The following TCTN2 variants were observed in gnomAD, a reference collection of about 807,000 sequenced individuals.
The protein encoded by TCTN2 is tectonic family member 2.
A neutral mutation model predicts 83.4 loss-of-function variants in TCTN2; 66 were observed. The ratio of observed to expected loss-of-function variants is 0.79; its 90% CI spans 0.65 to 0.97. TCTN2 has a LOEUF of 0.97. Among genes scored for constraint, TCTN2 ranks in the 50% least tolerant of loss-of-function variants. The probability of loss-of-function intolerance (pLI) is 0.00; values close to 1 mark genes in which losing one functional copy is unlikely to be tolerated. For missense variants in TCTN2, 794 were observed against 858.1 expected, an observed-to-expected ratio of 0.93 and a Z score of 0.93; for synonymous variants, 301 against 326.7, an observed-to-expected ratio of 0.92 and a Z score of 0.85.
At chr12:123,673,422 A>C (rs999236163) in intron 3 of TCTN2, among the ~76,000 whole-genome samples, 193 bp from the exon 4 acceptor site, 4 of 152,176 alleles carry the variant, frequency 2.6e-5, no homozygotes, top group South Asian at 2.1e-4. Flanking sequence ...TATGTTAAGG[A>C]AGAAGAATCA....
At chr12:123,688,213 C>G (rs945788715) in intron 7 of TCTN2, 36 bp downstream of exon 7, 3 of 1,349,758 alleles carry the variant, frequency 2.2e-6, no homozygotes, top group African/African-American at 3.1e-5. Context: ...AGACCGTTCT[C>G]TTTTTTTTTT....
At chr12:123,673,225 A>G (rs550059947) in intron 3 of TCTN2, among the ~76,000 whole-genome samples, 27 of 152,246 alleles carry the variant, frequency 1.8e-4, no homozygotes, top group Non-Finnish European at 3.4e-4. Flanking sequence ...CTTGTACCCC[A>G]GGAGTGAACA....
At position 123,707,075 on chromosome 12, in the gene TCTN2, T is replaced by C; in HGVS notation, c.1984+2T>C. Reference sequence around the variant, plus strand: ...ATCCATGGACTCAGTATTATCAAGGTAGGGTGAAACAGATTTCTATGACCA... The same window carrying C: ...ATCCATGGACTCAGTATTATCAAGGCAGGGTGAAACAGATTTCTATGACCA... On this transcript the variant is annotated splice_donor_variant, in intron 17 of 17. Coordinates refer to ENST00000303372, the MANE Select transcript of TCTN2 (RefSeq NM_024809.5). LOFTEE classifies it high-confidence loss of function. 1 of 1,612,690 alleles carries C rather than the reference T, an allele frequency of 6.2e-7. No individual in the cohort carries two copies. Among genetic ancestry groups the C allele is most frequent in the African/African-American group, 1.3e-5 (1 of 74,982 alleles).
intron 14 of TCTN2, 88 bp from the exon 15 acceptor site, chr12:123,704,444 A>G: frequency 7.3e-7 from 1 of 1,375,208 alleles, no homozygotes; most frequent in African/African-American, 1.4e-5. Context: ...TGCCTGCCTG[A>G]TATTATTCCC....
chr12:123,704,619 G>T lies in TCTN2; in HGVS notation c.1700G>T (p.Arg567Leu), dbSNP rs780065531. The change falls in exon 15 of 18, where the codon CGC (arginine) becomes CTC (leucine). Residue 567 changes from arginine to leucine, a missense_variant. By Grantham distance (102) the Arg-to-Leu change is moderately radical. Transcript: ENST00000303372. ...GATATTCCTGCTCACCTGAGCATCC[G>T]CATCCTCATCTCGGATGCTGGCGCG... Reference protein sequence around the residue: ...CLDIPAHLSIRILISDAGAVE... With the variant: ...CLDIPAHLSILILISDAGAVE... 2 of 1,613,410 alleles carry T rather than the reference G, an allele frequency of 1.2e-6. No homozygotes were observed. The highest frequency in any genetic ancestry group is 1.7e-6 in the Non-Finnish European group (2 of 1,179,906).
At position 123,686,878 on chromosome 12, in the gene TCTN2, T is replaced by C; in HGVS notation, c.607T>C (p.Phe203Leu). ...NLTTLFRRSC[F>L]TGVFGGDVNP... ...AACAACGCTGTTCAGACGGTCCTGC[T>C]TCACCGGCGTGTTTGGAGGAGACGT... Residue 203 changes from phenylalanine to leucine, a missense_variant, in exon 6 of 18, where the codon TTC becomes CTC. Phe to Leu is a conservative substitution (Grantham distance 22). Coordinates refer to ENST00000303372, the MANE Select transcript of TCTN2 (RefSeq NM_024809.5). The C allele has an allele frequency of 1.2e-6, 2 of 1,614,228 alleles. No individual in the cohort carries two copies. Among genetic ancestry groups the C allele is most frequent in the Non-Finnish European group, 1.7e-6 (2 of 1,180,038 alleles).
intron 4 of TCTN2, among the ~76,000 whole-genome samples, chr12:123,676,122 A>G (rs960312905): frequency 5.9e-5 from 9 of 152,040 alleles, no homozygotes; most frequent in African/African-American, 2.2e-4. Context: ...CTACAAACAA[A>G]TACTACAATT....
At position 123,700,853 on chromosome 12, in the gene TCTN2, A is replaced by T. The variant is rs1009159637; in HGVS notation, c.1612+1043A>T. Among the ~76,000 whole-genome samples, 13 of 152,296 alleles carry T rather than the reference A, an allele frequency of 8.5e-5. No individual in the cohort carries two copies. The East Asian group carries it at 2.5e-3, about 29-fold the overall frequency. ...GTCCCAGCTACTTGGGATGCTGAGG[A>T]AAGAGGATCGCTGGAGCCTAGGAGT... is the stretch of plus-strand genomic sequence containing the variant. On this transcript the variant is annotated intron_variant, in intron 14 of 17. Coordinates refer to ENST00000303372, the MANE Select transcript of TCTN2 (RefSeq NM_024809.5).
intron 13 of TCTN2, among the ~76,000 whole-genome samples, chr12:123,698,010 A>G (rs1956130673): frequency 6.6e-6 from 1 of 151,596 alleles, no homozygotes; most frequent in Non-Finnish European, 1.5e-5. Flanking sequence ...GATTACAGGC[A>G]TGAGTCACTC....
Position 123,671,303 on chromosome 12 carries a change from G to C in TCTN2, c.63G>C (p.Arg21Ser). 6.2e-7 allele frequency: 1 copy of C among 1,613,888 alleles called. No individual in the cohort carries two copies. Among genetic ancestry groups the C allele is most frequent in the Non-Finnish European group, 8.5e-7 (1 of 1,179,986 alleles). ...LRLFLLQGIL[R>S]LLWGDLAFIP... ...TTTTCCTTCTGCAGGGCATCCTGAG[G>C]CTTCTGTGGGGGGACCTGGGTGTGT... Residue 21 changes from arginine (R) to serine (S), a missense_variant, in exon 1 of 18, where the codon AGG (arginine) becomes AGC (serine). Arg to Ser is a moderately radical substitution (Grantham distance 110, BLOSUM62 -1). Coordinates refer to ENST00000303372, the MANE Select transcript of TCTN2 (RefSeq NM_024809.5).
At chr12:123,704,977 A>G (rs896827870) in intron 15 of TCTN2, among the ~76,000 whole-genome samples, 3 of 151,996 alleles carry the variant, frequency 2.0e-5, no homozygotes, top group African/African-American at 7.3e-5. Context: ...AAATCCATGG[A>G]TGTAACTGAT....
intron 9 of TCTN2, among the ~76,000 whole-genome samples, 163 bp from the exon 10 acceptor site, chr12:123,694,679 G>T (rs1233145343): frequency 6.6e-6 from 1 of 152,202 alleles, no homozygotes; most frequent in Non-Finnish European, 1.5e-5. Context: ...ACCAGGGCAG[G>T]CTTCCTCAAG....
intron 7 of TCTN2, among the ~76,000 whole-genome samples, chr12:123,688,694 G>A (rs1457585383): frequency 6.6e-6 from 1 of 152,032 alleles, no homozygotes; most frequent in Non-Finnish European, 1.5e-5. Flanking sequence ...TTAAAACTCA[G>A]AGTGAACTTA....
intron 2 of TCTN2, 139 bp from the exon 3 acceptor site, chr12:123,671,917 G>T (rs551544152): frequency 3.5e-5 from 28 of 802,592 alleles, no homozygotes; most frequent in Non-Finnish European, 6.1e-5. Context: ...CAGAGAGGTT[G>T]TCACTGTCCC....
Position 123,699,921 on chromosome 12 carries a change from C to T in TCTN2, c.1612+111C>T, listed in dbSNP as rs150010976. On this transcript the variant is annotated intron_variant, in intron 14 of 17. Coordinates refer to ENST00000303372, the MANE Select transcript of TCTN2 (RefSeq NM_024809.5). ...AGGTCATCTTCCTGAGGCTTGACTG[C>T]GGCTTAACTGGACGTTTGCCCAGGG... 3.3e-4 allele frequency: 283 copies of T among 855,278 alleles called. 3 individuals carry two copies. The East Asian group carries it at 4.4e-3, about 13-fold the overall frequency. The allele number at this position is 855,278 out of a possible 1,614,324, so 53.0% of individuals were successfully genotyped here. A position where few individuals can be genotyped will look rare whatever the true frequency, so the allele number is the denominator to read the frequency against.
Position 123,704,688 on chromosome 12 carries a change from G to A in TCTN2, c.1769G>A (p.Arg590Lys), listed in dbSNP as rs1293767051. The part of the protein sequence containing the change: ...TQQEILGVET[R>K]FSSVNWQYQC... Reference sequence around the variant, plus strand: ...CAGGAGATACTCGGTGTAGAGACAAGGTATGATCACATCTTGGATCACCGT... The same window carrying A: ...CAGGAGATACTCGGTGTAGAGACAAAGTATGATCACATCTTGGATCACCGT... The change falls in exon 15 of 18, where the codon AGG becomes AAG. Residue 590 changes from arginine to lysine, a missense_variant and splice_region_variant. Physicochemically the swap from Arg to Lys is conservative, Grantham distance 26 (BLOSUM62 2). Transcript: ENST00000303372. 6.2e-7 allele frequency: 1 copy of A among 1,613,290 alleles called. No individual in the cohort carries two copies. Among genetic ancestry groups the A allele is most frequent in the South Asian group, 1.1e-5 (1 of 91,000 alleles).
chr12:123,696,767 G>T (rs1956114015), intron 12 of TCTN2: 2 of 535,540 alleles, frequency 3.7e-6, no homozygotes, highest in Non-Finnish European at 6.7e-6. Context: ...TGTTATTGTT[G>T]CCTGTAGCCC....
chr12:123,676,498 G>A (rs1490472092), intron 4 of TCTN2, among the ~76,000 whole-genome samples: 2 of 149,424 alleles, frequency 1.3e-5, no homozygotes, highest in African/African-American at 4.9e-5. Flanking sequence ...AACTCGGGAG[G>A]TGGAGCTTGC....
intron 5 of TCTN2, among the ~76,000 whole-genome samples, chr12:123,681,241 A>G (rs1268440986): frequency 7.4e-6 from 1 of 134,706 alleles, no homozygotes; most frequent in Admixed American, 7.6e-5. Flanking sequence ...TAGGCGACAG[A>G]GCAAGACTCT....
Sources: allele counts gnomAD v4.1 joint callset (sites outside exome capture counted in the v4.1 genomes callset), GRCh38; gene constraint gnomAD v4.1.1; transcripts MANE v1.5; gene names NCBI Gene and HGNC (gene_info 2026-07-23, HGNC 2026-07-21).